The following AGK variants were observed in gnomAD, a reference collection of about 807,000 sequenced individuals.
AGK encodes acylglycerol kinase, mitochondrial.
A neutral mutation model predicts 66.4 loss-of-function variants in AGK; 52 were observed. The ratio of observed to expected loss-of-function variants is 0.78; its 90% CI spans 0.63 to 0.99. The LOEUF is 0.99. Ranked by LOEUF, AGK falls within the 50% of genes least tolerant of loss-of-function variation. The probability of loss-of-function intolerance (pLI) is 0.00; values close to 1 mark genes in which losing one functional copy is unlikely to be tolerated. For missense variants in AGK, 451 were observed against 506.6 expected (o/e 0.89, Z 1.05); for synonymous variants, 182 against 181.1 (o/e 1.00, Z -0.04).
At chr7:141,614,316 A>G (rs1158224297) in intron 7 of AGK, 138 bp downstream of exon 7, 1 of 580,262 alleles carries the variant, frequency 1.7e-6, no homozygotes, top group Non-Finnish European at 2.9e-6. Flanking sequence ...TAGAAAAGAA[A>G]ATACTGCTAC....
At chr7:141,579,154 T>C (rs1008936067) in intron 2 of AGK, among the ~76,000 whole-genome samples, 1 of 152,060 alleles carries the variant, frequency 6.6e-6, no homozygotes, top group Non-Finnish European at 1.5e-5. Context: ...TCAAATGGGC[T>C]GTACCCTGTA....
rs6943245 is a variant in AGK at position 141,653,065 on chromosome 7, C to T, written c.*141C>T. The T allele has an allele frequency of 4.5e-3, 4,200 of 927,928 alleles. 123 individuals are homozygous for T. The African/African-American group carries it at 0.063, about 14-fold the overall frequency. The allele number at this position is 927,928 out of a possible 1,614,324, so 57.5% of individuals were successfully genotyped here. Reference sequence around the variant, plus strand: ...GGCAAGTACCCCTCTGCCCCCACTCCAGCAGTGCTTCCCAAAGTGTGCTCT... The same window carrying T: ...GGCAAGTACCCCTCTGCCCCCACTCTAGCAGTGCTTCCCAAAGTGTGCTCT... On this transcript the variant is annotated 3_prime_UTR_variant, in exon 16 of 16. Coordinates refer to ENST00000649286, the MANE Select transcript of AGK (RefSeq NM_018238.4).
chr7:141,608,828 T>C (rs1335911436), intron 5 of AGK, among the ~76,000 whole-genome samples: 1 of 152,194 alleles, frequency 6.6e-6, no homozygotes, highest in Non-Finnish European at 1.5e-5. Context: ...CCTGATGTAA[T>C]GTGTCTGTCT....
At chr7:141,591,918 G>A (rs1419071385) in intron 2 of AGK, among the ~76,000 whole-genome samples, 3 of 152,144 alleles carry the variant, frequency 2.0e-5, no homozygotes, top group Non-Finnish European at 4.4e-5. Context: ...TTAAATAGGT[G>A]ATCACATTCT....
intron 9 of AGK, among the ~76,000 whole-genome samples, chr7:141,631,915 A>C (rs1177951685): frequency 6.6e-6 from 1 of 152,128 alleles, no homozygotes. Context: ...CATCATTGAT[A>C]TCCTCCATCA....
Position 141,653,121 on chromosome 7 carries a change from C to G in AGK, c.*197C>G. 1 of 585,170 alleles carries G rather than the reference C, an allele frequency of 1.7e-6. No individual in the cohort carries two copies. The highest frequency in any genetic ancestry group is 3.0e-6 in the Non-Finnish European group (1 of 336,642). 36.2% of individuals were successfully genotyped at this position (585,170 alleles called of 1,614,324 possible). ...CTGCTTTGCAATCGGCTTCCATTAGCGCATGTTTTATTTTGGTGTGACGGT... is the reference window on the plus strand; with the variant it reads ...CTGCTTTGCAATCGGCTTCCATTAGGGCATGTTTTATTTTGGTGTGACGGT... On this transcript the variant is annotated 3_prime_UTR_variant, in exon 16 of 16. Coordinates refer to ENST00000649286, the MANE Select transcript of AGK (RefSeq NM_018238.4).
rs767746546 is a variant in AGK, at chr7:141,614,108, A to T, written c.391-38A>T. 3.6e-6 allele frequency: 5 copies of T among 1,382,222 alleles called. No individual in the cohort carries two copies. In the East Asian group the frequency reaches 1.2e-4, roughly 33 times the overall value. The allele number at this position is 1,382,222 out of a possible 1,614,324, so 85.6% of individuals were successfully genotyped here. A position where few individuals can be genotyped will look rare whatever the true frequency, so the allele number is the denominator to read the frequency against. ...AATTCTTTTATTGTAAAGGAAATAC[A>T]TATTATTTATAACAATGTTTTATTA... On this transcript the variant is annotated intron_variant, in intron 6 of 15. Coordinates refer to ENST00000649286, the MANE Select transcript of AGK (RefSeq NM_018238.4).
Position 141,555,389 on chromosome 7 carries a change from G to A in AGK, c.-14-64G>A, listed in dbSNP as rs990763681. 1 of 1,102,218 alleles carries A rather than the reference G, an allele frequency of 9.1e-7. No individual in the cohort carries two copies. Among genetic ancestry groups the A allele is most frequent in the Non-Finnish European group, 1.3e-6 (1 of 748,848 alleles). The allele number at this position is 1,102,218 out of a possible 1,614,324, so 68.3% of individuals were successfully genotyped here. A position where few individuals can be genotyped will look rare whatever the true frequency, so the allele number is the denominator to read the frequency against. On this transcript the variant is annotated intron_variant, in intron 1 of 15. Coordinates refer to ENST00000649286, the MANE Select transcript of AGK (RefSeq NM_018238.4). The surrounding 1 kb of genome is among the most constrained non-coding windows in gnomAD (Gnocchi z 4.2). ...TAAAAGAATGGAAGACAGAGTAATA[G>A]GGACATTACATGAAGACCATGGATA...
At chr7:141,568,282 C>G (rs1399569017) in intron 2 of AGK, among the ~76,000 whole-genome samples, 1 of 152,224 alleles carries the variant, frequency 6.6e-6, no homozygotes, top group African/African-American at 2.4e-5. Context: ...TGGTTAAAAG[C>G]AGCAAGCCGT....
At chr7:141,599,807 T>C (rs549096013) in intron 4 of AGK, among the ~76,000 whole-genome samples, 3 of 152,336 alleles carry the variant, frequency 2.0e-5, no homozygotes, top group South Asian at 4.1e-4. Context: ...ATGTTCATTC[T>C]AATAATCATT....
At chr7:141,607,622 A>T (rs1490703590) in intron 5 of AGK, among the ~76,000 whole-genome samples, 3 of 152,086 alleles carry the variant, frequency 2.0e-5, no homozygotes, top group Non-Finnish European at 4.4e-5. Context: ...TTCATAGAGC[A>T]GAAGTTTTAA....
rs1199705359 is a variant in AGK, at chr7:141,614,167, C to T, written c.412C>T (p.Arg138Ter). The change falls in exon 7 of 16, where the codon CGA becomes TGA. Residue 138 changes from arginine (R) to a stop codon, truncating the protein, a stop_gained. Transcript: ENST00000649286. LOFTEE classifies it high-confidence loss of function. ...GTAGGTTGTTACTGGTGTTCTTCGA[C>T]GAACAGATGAGGTGAGCATTAAAGA... ...LQEVVTGVLRRTDEATFSKIP... is the reference protein window; with the variant it reads ...LQEVVTGVLR The T allele has an allele frequency of 2.0e-5, 30 of 1,536,086 alleles. No individual in the cohort carries two copies. Among genetic ancestry groups the T allele is most frequent in the Non-Finnish European group, 2.5e-5 (28 of 1,130,232 alleles).
chr7:141,602,173 T>TTGTGTGTGTGTGTGTATGTGTGTG (rs1796361322), intron 5 of AGK, among the ~76,000 whole-genome samples: 1 of 125,314 alleles, frequency 8.0e-6, no homozygotes, highest in Non-Finnish European at 1.7e-5. Flanking sequence ...GGAGATTTTC[T>TTGTGTGTGTGTGTGTATGTGTGTG]TGTGTGTGTG....
intron 5 of AGK, among the ~76,000 whole-genome samples, chr7:141,602,675 C>G (rs1007650223): frequency 6.6e-6 from 1 of 151,748 alleles, no homozygotes; most frequent in Non-Finnish European, 1.5e-5. Context: ...TCATTCATTT[C>G]TGATCTTTTT....
At chr7:141,575,669 T>G (rs1315235670) in intron 2 of AGK, among the ~76,000 whole-genome samples, 1 of 144,582 alleles carries the variant, frequency 6.9e-6, no homozygotes, top group Non-Finnish European at 1.5e-5. Context: ...TTTTTTTTTT[T>G]TTTTTTTTTT....
At position 141,641,430 on chromosome 7, in the gene AGK, C is replaced by T. The variant is rs747792468; in HGVS notation, c.877+32C>T. The T allele has an allele frequency of 1.1e-5, 18 of 1,597,202 alleles. No individual in the cohort carries two copies. The South Asian group carries it at 1.7e-4, about 15-fold the overall frequency. On this transcript the variant is annotated intron_variant, in intron 12 of 15. Transcript: ENST00000649286. ...AATGTGGCGACTAAAGATTGGAGGG[C>T]CCTGGTCAGTTTAGAAGTGCCCTAA...
chr7:141,583,301 C>G (rs1299389344), intron 2 of AGK, among the ~76,000 whole-genome samples: 2 of 151,236 alleles, frequency 1.3e-5, no homozygotes, highest in African/African-American at 4.9e-5. Flanking sequence ...GGAAAGTTGC[C>G]TATAGTGAAG....
chr7:141,610,214 G>T (rs764394724), intron 5 of AGK, among the ~76,000 whole-genome samples: 3 of 151,986 alleles, frequency 2.0e-5, no homozygotes, highest in Non-Finnish European at 4.4e-5. Context: ...TGATCCACCT[G>T]CCTTGGCCTC....
intron 2 of AGK, among the ~76,000 whole-genome samples, chr7:141,581,669 G>A (rs1795883260): frequency 6.6e-6 from 1 of 151,826 alleles, no homozygotes; most frequent in Non-Finnish European, 1.5e-5. Context: ...CTATACTTGT[G>A]GATTAAGGTG....
Sources: gnomAD v4.1 joint callset for allele counts (sites outside exome capture counted in the v4.1 genomes callset) on GRCh38, gnomAD v4.1.1 for gene constraint, Gnocchi (gnomAD v3.1) non-coding constraint, MANE v1.5 for transcripts, NCBI Gene and HGNC (gene_info 2026-07-23, HGNC 2026-07-21) for gene names.